FNDC7: variants seen among roughly 807,000 people sequenced by gnomAD.
FNDC7 encodes the protein fibronectin type III domain-containing protein 7.
A neutral mutation model predicts 74.2 loss-of-function variants in FNDC7; 66 were observed. That is an observed-to-expected ratio of 0.89 (90% CI 0.73 to 1.09). FNDC7 has a LOEUF of 1.09. Ranked by LOEUF, FNDC7 falls within the 50% of genes least tolerant of loss-of-function variation. The pLI, the probability that FNDC7 is intolerant of heterozygous loss-of-function variation, is 0.00. For synonymous variants in FNDC7, 307 were observed against 330.2 expected, an observed-to-expected ratio of 0.93 and a Z score of 0.76; for missense variants, 829 against 893.4, an observed-to-expected ratio of 0.93 and a Z score of 0.92.
chr1:108,725,941 A>T lies in FNDC7; in HGVS notation c.1048A>T (p.Ser350Cys). 1 of 1,614,046 alleles carries T rather than the reference A, an allele frequency of 6.2e-7. No homozygotes were observed. The highest frequency in any genetic ancestry group is 8.5e-7 in the Non-Finnish European group (1 of 1,179,988). The change falls in exon 6 of 13, where the codon AGT becomes TGT. Residue 350 changes from serine (S) to cysteine (C), a missense_variant. Coordinates refer to ENST00000370017, the MANE Select transcript of FNDC7 (RefSeq NM_001144937.3). ...TGAGTGTGGCTTCACTTATTTTATT[A>T]GTGTTTTTGTCTATAACAAGGCAGG... is the stretch of plus-strand genomic sequence containing the variant. ...LSECGFTYFI[S>C]VFVYNKAGQS...
chr1:108,729,715 G>A (rs529442889), intron 8 of FNDC7, among the ~76,000 whole-genome samples: 29 of 152,270 alleles, frequency 1.9e-4, no homozygotes, highest in South Asian at 1.5e-3. Context: ...TTATTACAGC[G>A]TAGCATTGTG....
chr1:108,719,262 T>G (rs1276743039), intron 4 of FNDC7, among the ~76,000 whole-genome samples: 2 of 152,242 alleles, frequency 1.3e-5, no homozygotes, highest in African/African-American at 2.4e-5. Context: ...CTACTCAGAA[T>G]GCACACAGCA....
chr1:108,715,669 GCGCA>G (rs1002169979), intron 2 of FNDC7, among the ~76,000 whole-genome samples: 23 of 135,944 alleles, frequency 1.7e-4, no homozygotes, highest in African/African-American at 4.1e-4. Context: ...GCGTGCGCGC[GCGCA>G]CACACACACA....
rs551668665 is a variant in FNDC7 at position 108,717,797 on chromosome 1, G to T, written c.103G>T (p.Asp35Tyr). The change falls in exon 3 of 13, where the codon GAT becomes TAT. Residue 35 changes from aspartate (D) to tyrosine (Y), a missense_variant. By Grantham distance (160) the Asp-to-Tyr change is radical (BLOSUM62 -3). Transcript: ENST00000370017. ...TTCAGCTCCTGAAATACCCACTATTGATCAGGCATATTCAAAACTCAGCAA... is the reference window on the plus strand; with the variant it reads ...TTCAGCTCCTGAAATACCCACTATTTATCAGGCATATTCAAAACTCAGCAA... ...AKSAPEIPTI[D>Y]QAYSKLSNSI... is the part of the protein sequence containing the mutation. 6.4e-7 allele frequency: 1 copy of T among 1,551,530 alleles called. No individual in the cohort carries two copies. Among genetic ancestry groups the T allele is most frequent in the Non-Finnish European group, 8.7e-7 (1 of 1,146,986 alleles).
intron 2 of FNDC7, among the ~76,000 whole-genome samples, chr1:108,714,411 C>T (rs967959937): frequency 6.6e-6 from 1 of 152,134 alleles, no homozygotes; most frequent in Non-Finnish European, 1.5e-5. Flanking sequence ...TACCAAGGCT[C>T]ACGCCTATAA....
At chr1:108,736,367 T>C (rs1316694977) in intron 10 of FNDC7, among the ~76,000 whole-genome samples, 1 of 152,124 alleles carries the variant, frequency 6.6e-6, no homozygotes, top group Non-Finnish European at 1.5e-5. Flanking sequence ...TAGCCCTCTC[T>C]CTCTCCCTCC....
intron 3 of FNDC7, 38 bp downstream of exon 3, chr1:108,718,069 C>T: frequency 1.3e-6 from 2 of 1,544,116 alleles, no homozygotes; most frequent in Non-Finnish European, 1.8e-6. Flanking sequence ...TGAGTGTTTG[C>T]TTGTGACTTG....
rs770760027 is a variant in FNDC7 at position 108,712,952 on chromosome 1, A to T, written c.19A>T (p.Thr7Ser). Residue 7 changes from threonine (T) to serine (S), a missense_variant, in exon 1 of 13, where the codon ACA (threonine) becomes TCA (serine). By Grantham distance (58) the Thr-to-Ser change is moderately conservative. Coordinates refer to ENST00000370017, the MANE Select transcript of FNDC7 (RefSeq NM_001144937.3). ...CAACAGGATGGCTGGTGGACGAGAG[A>T]CATGTTTGCCTTTGATTGGATTCAT... MAGGRE[T>S]CLPLIGFILI... is the part of the protein sequence containing the mutation. 4.2e-4 allele frequency: 645 copies of T among 1,551,566 alleles called. 1 individual carries two copies. The highest frequency in any genetic ancestry group is 5.2e-4 in the Non-Finnish European group (600 of 1,146,974).
chr1:108,712,995 TG>T lies in FNDC7; in HGVS notation c.63+1del. 6.4e-7 allele frequency: 1 copy of T among 1,551,420 alleles called. No individual in the cohort carries two copies. Among genetic ancestry groups the T allele is most frequent in the Non-Finnish European group, 8.7e-7 (1 of 1,146,814 alleles). On this transcript the variant is annotated frameshift_variant and splice_region_variant, in exon 1 of 13. Transcript: ENST00000370017. LOFTEE classifies it high-confidence loss of function. ...LIGFILICLK[M>X]VASAKSAPEI... Reference sequence around the variant, plus strand: ...GGATTCATTCTTATCTGTCTTAAAATGGTGAGTTCATCATTCCAACTACCCA... The same window carrying T: ...GGATTCATTCTTATCTGTCTTAAAATGTGAGTTCATCATTCCAACTACCCA...
At position 108,730,749 on chromosome 1, in the gene FNDC7, G is replaced by T. The variant is rs765282522; in HGVS notation, c.1700G>T (p.Arg567Ile). 1.1e-5 allele frequency: 18 copies of T among 1,613,598 alleles called. No individual in the cohort carries two copies. Among genetic ancestry groups the T allele is most frequent in the Non-Finnish European group, 1.5e-5 (18 of 1,179,820 alleles). Reference sequence around the variant, plus strand: ...ATCAACGTGAGCTGGACTATTGGGAGAGTGGCTCAAACCCATGTTGCAGTT... The same window carrying T: ...ATCAACGTGAGCTGGACTATTGGGATAGTGGCTCAAACCCATGTTGCAGTT... Reference protein sequence around the residue: ...SVINVSWTIGRVAQTHVAVLE... With the variant: ...SVINVSWTIGIVAQTHVAVLE... Residue 567 changes from arginine (R) to isoleucine (I), a missense_variant, in exon 9 of 13, where the codon AGA becomes ATA. Coordinates refer to ENST00000370017, the MANE Select transcript of FNDC7 (RefSeq NM_001144937.3).
At chr1:108,716,906 C>T (rs1203471743) in intron 2 of FNDC7, among the ~76,000 whole-genome samples, 1 of 152,128 alleles carries the variant, frequency 6.6e-6, no homozygotes, top group Non-Finnish European at 1.5e-5. Context: ...TTGACCTTTT[C>T]TTCCACTTAG....
chr1:108,725,051 A>G lies in FNDC7; in HGVS notation c.857-699A>G, dbSNP rs369319900. 2.6e-5 allele frequency among the ~76,000 whole-genome samples: 4 copies of G among 152,188 alleles called. No homozygotes were observed. The East Asian group carries it at 7.7e-4, about 29-fold the overall frequency. On this transcript the variant is annotated intron_variant, in intron 5 of 12. Coordinates refer to ENST00000370017, the MANE Select transcript of FNDC7 (RefSeq NM_001144937.3). ...AGCCGAGATCACATCACTGTGCTCC[A>G]GCCTGGGCAACCGAGTGAGACTCTG...
Position 108,742,119 on chromosome 1 carries a change from G to T in FNDC7, c.*232G>T. On this transcript the variant is annotated 3_prime_UTR_variant, in exon 13 of 13. Coordinates refer to ENST00000370017, the MANE Select transcript of FNDC7 (RefSeq NM_001144937.3). ...CTATGTGAGGACTCTGGAGAGAAAT[G>T]AATCCAGAAAGTCCCCTGGACGGCT... 5.3e-6 allele frequency: 2 copies of T among 376,858 alleles called. No individual in the cohort carries two copies. The highest frequency in any genetic ancestry group is 5.8e-5 in the East Asian group (1 of 17,220). 23.3% of individuals were successfully genotyped at this position (376,858 alleles called of 1,614,324 possible).
chr1:108,732,572 C>A lies in FNDC7; in HGVS notation c.1880-700C>A, dbSNP rs758109820. On this transcript the variant is annotated intron_variant, in intron 9 of 12. Transcript: ENST00000370017. ...GAGGGATCTTGACAAGGATTCTGTG[C>A]CTTTGACTCACAGTTTGAATCATGT... Among the ~76,000 whole-genome samples, 185 of 152,170 alleles carry A rather than the reference C, an allele frequency of 1.2e-3. 1 individual carries two copies. Among genetic ancestry groups the A allele is most frequent in the Non-Finnish European group, 1.8e-3 (123 of 68,000 alleles).
At chr1:108,733,205 C>T (rs1661431420) in intron 9 of FNDC7, 67 bp from the exon 10 acceptor site, 5 of 1,574,430 alleles carry the variant, frequency 3.2e-6, no homozygotes, top group Non-Finnish European at 4.3e-6. Context: ...CTGCAGTAAT[C>T]AAGGCCATTT....
chr1:108,721,189 G>C (rs1661084540), intron 4 of FNDC7, among the ~76,000 whole-genome samples: 1 of 152,210 alleles, frequency 6.6e-6, no homozygotes, highest in Non-Finnish European at 1.5e-5. Flanking sequence ...GGCCTTCCCG[G>C]CCGGGCACGG....
chr1:108,735,802 G>GT (rs1277876982), intron 10 of FNDC7, among the ~76,000 whole-genome samples: 1 of 151,654 alleles, frequency 6.6e-6, no homozygotes, highest in Non-Finnish European at 1.5e-5. Flanking sequence ...TTTTTGTGGG[G>GT]TTTTTTTGTT....
At chr1:108,730,504 C>T (rs1251776405) in intron 8 of FNDC7, among the ~76,000 whole-genome samples, 170 bp from the exon 9 acceptor site, 1 of 151,720 alleles carries the variant, frequency 6.6e-6, no homozygotes, top group Non-Finnish European at 1.5e-5. Context: ...GTGAATGTTA[C>T]ATGACGCATC....
intron 8 of FNDC7, 45 bp from the exon 9 acceptor site, chr1:108,730,629 C>CA (rs1661320585): frequency 6.7e-7 from 1 of 1,488,278 alleles, no homozygotes; most frequent in Non-Finnish European, 9.0e-7. Flanking sequence ...AAATAATCTT[C>CA]AGTGGAAATA....
Sources: allele counts gnomAD v4.1 joint callset (sites outside exome capture counted in the v4.1 genomes callset), GRCh38; gene constraint gnomAD v4.1.1; transcripts MANE v1.5; gene names NCBI Gene and HGNC (gene_info 2026-07-23, HGNC 2026-07-21).